The following AUTS2 variants were observed in gnomAD, a reference collection of about 807,000 sequenced individuals.
AUTS2 encodes the protein activator of transcription and developmental regulator AUTS2.
AUTS2 carries 17 observed loss-of-function variants against 112.4 expected under a neutral mutation model. The ratio of observed to expected loss-of-function variants is 0.15; its 90% CI spans 0.10 to 0.23. The LOEUF is 0.23. AUTS2 is among the 10% of genes least tolerant of loss of function. The pLI, the probability that AUTS2 is intolerant of heterozygous loss-of-function variation, is 1.00. For missense variants in AUTS2, 1,510 were observed against 1,701.6 expected (o/e 0.89, Z 1.98); for synonymous variants, 751 against 702.7 (o/e 1.07, Z -1.09).
At chr7:70,597,536 G>A (rs148463844) in intron 5 of AUTS2, among the ~76,000 whole-genome samples, 76 of 152,342 alleles carry the variant, frequency 5.0e-4, no homozygotes, top group African/African-American at 1.8e-3. Context: ...GAGTGAGTAT[G>A]TAGGTGTGCA....
chr7:70,726,247 G>A (rs1333668536), intron 6 of AUTS2, among the ~76,000 whole-genome samples: 2 of 151,638 alleles, frequency 1.3e-5, no homozygotes, highest in East Asian at 1.9e-4. Context: ...CAATGGATGT[G>A]TTTATTAGAA....
chr7:70,127,906 A>G (rs1231961346), intron 3 of AUTS2, among the ~76,000 whole-genome samples: 2 of 151,620 alleles, frequency 1.3e-5, no homozygotes. Context: ...CATCTGTCCT[A>G]TTCTTTCTTT....
chr7:69,773,402 T>C (rs1170210045), intron 1 of AUTS2, among the ~76,000 whole-genome samples: 1 of 149,864 alleles, frequency 6.7e-6, no homozygotes, highest in East Asian at 2.0e-4. Context: ...AGCTTGCCTG[T>C]GTCTCATACA....
intron 1 of AUTS2, among the ~76,000 whole-genome samples, chr7:69,676,982 T>G (rs890415283): frequency 3.9e-5 from 6 of 152,148 alleles, no homozygotes; most frequent in Non-Finnish European, 5.9e-5. Context: ...AGTGGACAAT[T>G]TTGGTGCCTG....
chr7:70,046,854 G>C (rs775624349), intron 2 of AUTS2, among the ~76,000 whole-genome samples: 1 of 152,128 alleles, frequency 6.6e-6, no homozygotes, highest in Non-Finnish European at 1.5e-5. Flanking sequence ...TCCAAGAGTG[G>C]TGGTGCTATA....
chr7:69,818,355 AATG>A (rs1562904166), intron 1 of AUTS2, among the ~76,000 whole-genome samples: 1 of 152,114 alleles, frequency 6.6e-6, no homozygotes. Context: ...TTGTGGCAAA[AATG>A]ATAATAAATA....
At chr7:70,769,080 T>C (rs1790146100) in intron 10 of AUTS2, among the ~76,000 whole-genome samples, 1 of 152,160 alleles carries the variant, frequency 6.6e-6, no homozygotes, top group Admixed American at 6.5e-5. Flanking sequence ...GTCAAGAGGT[T>C]AGCTGAGAAG....
chr7:70,418,075 C>CTCTGTGTGTGTGTGTGTG (rs1795058659), intron 4 of AUTS2, among the ~76,000 whole-genome samples: 1 of 136,370 alleles, frequency 7.3e-6, no homozygotes, highest in Non-Finnish European at 1.6e-5. Context: ...GGCTAACTTT[C>CTCTGTGTGTGTGTGTGTG]TGTGTGTGTG....
At chr7:70,337,193 T>A (rs996970119) in intron 4 of AUTS2, among the ~76,000 whole-genome samples, 2 of 152,228 alleles carry the variant, frequency 1.3e-5, no homozygotes, top group African/African-American at 4.8e-5. Context: ...CTTATGCTGC[T>A]CTTCACTGAG....
intron 5 of AUTS2, among the ~76,000 whole-genome samples, chr7:70,587,741 G>A (rs894061906): frequency 6.6e-6 from 1 of 152,210 alleles, no homozygotes. Flanking sequence ...GTCAAAAACA[G>A]TCAAATATTG....
intron 2 of AUTS2, among the ~76,000 whole-genome samples, chr7:69,993,229 T>C (rs1210527142): frequency 6.6e-6 from 1 of 152,200 alleles, no homozygotes; most frequent in African/African-American, 2.4e-5. Context: ...GCTTCCACTT[T>C]ACAGTCCTCC....
intron 3 of AUTS2, among the ~76,000 whole-genome samples, chr7:70,133,182 T>C (rs552703345): frequency 6.6e-6 from 1 of 152,326 alleles, no homozygotes; most frequent in Non-Finnish European, 1.5e-5. Context: ...AAAGTTTTGC[T>C]TTGGGAGCTG....
In AUTS2 at chr7:70,304,717, C is replaced by CTTTTTT. The variant is rs11464532; in HGVS notation, c.661-131018_661-131013dup. Among the ~76,000 whole-genome samples, 5 of 101,312 alleles carry CTTTTTT rather than the reference C, an allele frequency of 4.9e-5. No individual in the cohort carries two copies. The East Asian group carries it at 1.6e-3, about 32-fold the overall frequency. The allele number at this position is 101,312 out of a possible 152,430, so 66.5% of individuals were successfully genotyped here. A position where few individuals can be genotyped will look rare whatever the true frequency, so the allele number is the denominator to read the frequency against. ...GACCAGAAGTGTTTTGGATTTTTAA[C>CTTTTTT]TTTTTTTTTTTTTTTTTTTTTTGGA... On this transcript the variant is annotated intron_variant, in intron 4 of 18. Coordinates refer to ENST00000342771, the MANE Select transcript of AUTS2 (RefSeq NM_015570.4).
At chr7:70,109,072 GA>G (rs1230329463) in intron 2 of AUTS2, among the ~76,000 whole-genome samples, 1 of 152,074 alleles carries the variant, frequency 6.6e-6, no homozygotes, top group Non-Finnish European at 1.5e-5. Flanking sequence ...GTTAGAATGG[GA>G]AAAACAAAAG....
chr7:70,138,630 T>G (rs964724750), intron 4 of AUTS2, among the ~76,000 whole-genome samples: 1 of 152,200 alleles, frequency 6.6e-6, no homozygotes, highest in African/African-American at 2.4e-5. Flanking sequence ...CTTCCTCAAT[T>G]GGGTCACATC....
At chr7:69,634,352 C>T (rs1425989328) in intron 1 of AUTS2, among the ~76,000 whole-genome samples, 1 of 152,030 alleles carries the variant, frequency 6.6e-6, no homozygotes, top group Admixed American at 6.6e-5. Flanking sequence ...GATCTCCTGA[C>T]CTCGTGATCC....
intron 1 of AUTS2, among the ~76,000 whole-genome samples, chr7:69,780,689 G>A (rs1789107866): frequency 6.6e-6 from 1 of 152,206 alleles, no homozygotes; most frequent in African/African-American, 2.4e-5. Flanking sequence ...TTAGAGTGTG[G>A]TGGTAGATAG....
At position 69,726,554 on chromosome 7, in the gene AUTS2, C is replaced by T. The variant is rs554306875; in HGVS notation, c.309+126592C>T. ...GACATAGGTCATGATTTTTTTTTAA[C>T]GTAAGTGCCTAATTGTGGAATTTTG... On this transcript the variant is annotated intron_variant, in intron 1 of 18. Transcript: ENST00000342771. Among the ~76,000 whole-genome samples the T allele has an allele frequency of 4.8e-5, 7 of 147,128 alleles. No homozygotes were observed. In the East Asian group the frequency reaches 6.0e-4, roughly 13 times the overall value.
At chr7:70,489,461 T>C (rs577921628) in intron 5 of AUTS2, among the ~76,000 whole-genome samples, 7 of 152,208 alleles carry the variant, frequency 4.6e-5, no homozygotes, top group South Asian at 2.1e-4. Context: ...ATTGCTTAGA[T>C]ATCCTTCAGT....
Sources: gnomAD v4.1 joint callset for allele counts (sites outside exome capture counted in the v4.1 genomes callset) on GRCh38, gnomAD v4.1.1 for gene constraint, MANE v1.5 for transcripts, NCBI Gene and HGNC (gene_info 2026-07-23, HGNC 2026-07-21) for gene names.